The following FBN2 variants were observed in gnomAD, a reference collection of about 807,000 sequenced individuals.
FBN2 encodes the protein fibrillin-2.
FBN2 carries 105 observed loss-of-function variants against 355.6 expected under a neutral mutation model. The ratio of observed to expected loss-of-function variants is 0.30; its 90% CI spans 0.25 to 0.35. The LOEUF (loss-of-function observed/expected upper bound fraction) is 0.35, where lower values mean the gene tolerates loss of function less well. Ranked by LOEUF, FBN2 falls within the 10% of genes least tolerant of loss-of-function variation. The pLI is 1.00. For synonymous variants in FBN2, 1,350 were observed against 1,301.2 expected (o/e 1.04, Z -0.81); for missense variants, 3,280 against 3,758.7 (o/e 0.87, Z 3.33).
At chr5:128,398,138 G>A (rs1339776003) in intron 8 of FBN2, among the ~76,000 whole-genome samples, 1 of 152,042 alleles carries the variant, frequency 6.6e-6, no homozygotes, top group Non-Finnish European at 1.5e-5. Flanking sequence ...ATAACGTAAA[G>A]AGGTTCTCAG....
intron 34 of FBN2, among the ~76,000 whole-genome samples, chr5:128,323,448 T>C (rs1424804784): frequency 6.6e-6 from 1 of 152,188 alleles, no homozygotes; most frequent in Non-Finnish European, 1.5e-5. Flanking sequence ...ATCAAGTTTA[T>C]TGAGAGTTTT....
At chr5:128,519,972 A>C (rs1447716324) in intron 4 of FBN2, among the ~76,000 whole-genome samples, 1 of 152,224 alleles carries the variant, frequency 6.6e-6, no homozygotes, top group Non-Finnish European at 1.5e-5. Context: ...TGCCAAAAGA[A>C]GTAACCAATG....
In FBN2 at chr5:128,374,676, C is replaced by T. The variant is rs1381575622; in HGVS notation, c.2047G>A (p.Asp683Asn). 1.2e-6 allele frequency: 2 copies of T among 1,613,868 alleles called. No individual in the cohort carries two copies. The highest frequency in any genetic ancestry group is 1.7e-6 in the Non-Finnish European group (2 of 1,179,944). ...CCCACAGCCAGGCCTGGGGGACAGT[C>T]ACAGCGGAAGGACCCTTCACTGTTG... ...CINSEGSFRC[D>N]CPPGLAVGMD... is the part of the protein sequence containing the mutation. The change falls in exon 15 of 65, where the codon GAC (aspartate) becomes AAC (asparagine). Residue 683 changes from aspartate to asparagine, a missense_variant. Asp to Asn is a conservative substitution (Grantham distance 23). Around this residue, in one of 6 missense-constraint regions of FBN2, gnomAD observed 2,284 missense variants for 2,749.5 expected, o/e 0.83. Transcript: ENST00000262464.
intron 43 of FBN2, 51 bp downstream of exon 43, chr5:128,305,772 T>C (rs367672797): frequency 5.0e-6 from 8 of 1,606,786 alleles, no homozygotes; most frequent in African/African-American, 1.3e-5. Context: ...CTAAATGCTA[T>C]ATATGTATAC....
intron 5 of FBN2, among the ~76,000 whole-genome samples, chr5:128,470,984 T>G (rs994301212): frequency 6.6e-6 from 1 of 152,210 alleles, no homozygotes; most frequent in African/African-American, 2.4e-5. Context: ...ATCACTTTGG[T>G]ACAGAAAAGA....
intron 8 of FBN2, among the ~76,000 whole-genome samples, chr5:128,405,645 T>A (rs576100907): frequency 6.6e-6 from 1 of 152,204 alleles, no homozygotes; most frequent in Non-Finnish European, 1.5e-5. Flanking sequence ...TGTAAGTGAG[T>A]AAATAAAAAG....
At position 128,345,470 on chromosome 5, in the gene FBN2, G is replaced by A. The variant is rs145565243; in HGVS notation, c.3104C>T (p.Thr1035Ile). The change falls in exon 24 of 65, where the codon ACC becomes ATC. Residue 1035 changes from threonine to isoleucine, a missense_variant. By Grantham distance (89) the Thr-to-Ile change is moderately conservative (BLOSUM62 -1). This residue lies in a region of FBN2 where 2,284 missense variants were observed against 2,749.5 expected (regional missense o/e 0.83). Coordinates refer to ENST00000262464, the MANE Select transcript of FBN2 (RefSeq NM_001999.4). ...CCCAVGAAWG[T>I]ECEECPKPGT... Reference sequence around the variant, plus strand: ...AGGTTTGGGGCACTCCTCACACTCGGTGCCCCAAGCCGCCCCGACAGCACA... The same window carrying A: ...AGGTTTGGGGCACTCCTCACACTCGATGCCCCAAGCCGCCCCGACAGCACA... 3 of 1,613,986 alleles carry A rather than the reference G, an allele frequency of 1.9e-6. No homozygotes were observed. The African/African-American group carries it at 4.0e-5, about 22-fold the overall frequency.
At chr5:128,281,621 C>T (rs1350304429) in intron 55 of FBN2, among the ~76,000 whole-genome samples, 2 of 152,138 alleles carry the variant, frequency 1.3e-5, no homozygotes, top group African/African-American at 4.8e-5. Context: ...ACCATTGGTC[C>T]ACTTATATTA....
chr5:128,407,165 G>C (rs760468467), intron 8 of FBN2, among the ~76,000 whole-genome samples: 6 of 152,192 alleles, frequency 3.9e-5, no homozygotes, highest in Non-Finnish European at 7.3e-5. Flanking sequence ...TGGTAGTTCA[G>C]TGTCACAGTA....
intron 36 of FBN2, among the ~76,000 whole-genome samples, chr5:128,313,852 CAAAA>C (rs70997367): frequency 2.1e-5 from 1 of 48,244 alleles, no homozygotes. Context: ...GACTCTGTCT[CAAAA>C]AAAAAAAAAA....
chr5:128,402,522 G>A (rs1464212476), intron 8 of FBN2, among the ~76,000 whole-genome samples: 3 of 152,004 alleles, frequency 2.0e-5, no homozygotes, highest in Non-Finnish European at 4.4e-5. Flanking sequence ...TTCATAGCTT[G>A]ACATTTTGTG....
intron 6 of FBN2, among the ~76,000 whole-genome samples, chr5:128,459,217 C>T (rs570916948): frequency 4.6e-5 from 7 of 152,200 alleles, no homozygotes; most frequent in East Asian, 3.9e-4. Flanking sequence ...TGGATAAATT[C>T]CTGGACACAT....
chr5:128,408,371 G>A (rs924920113), intron 8 of FBN2, among the ~76,000 whole-genome samples: 18 of 152,128 alleles, frequency 1.2e-4, no homozygotes, highest in African/African-American at 2.7e-4. Flanking sequence ...CACAAAAGAA[G>A]CTTTAATTAC....
At chr5:128,469,277 T>C (rs945428016) in intron 5 of FBN2, among the ~76,000 whole-genome samples, 1 of 152,144 alleles carries the variant, frequency 6.6e-6, no homozygotes, top group African/African-American at 2.4e-5. Flanking sequence ...GGGTAGTGTG[T>C]GGCTCATGTA....
Position 128,394,816 on chromosome 5 carries a change from C to T in FBN2, c.1231+306G>A, listed in dbSNP as rs1047786106. ...TACATATATTTTTGAGACAGGGTCT[C>T]GCTCTGTCACTCAGGCTGGAGTGCA... On this transcript the variant is annotated intron_variant, in intron 9 of 64. Transcript: ENST00000262464. Among the ~76,000 whole-genome samples the T allele has an allele frequency of 4.6e-5, 7 of 152,088 alleles. No individual in the cohort carries two copies. In the East Asian group the frequency reaches 1.2e-3, roughly 25 times the overall value.
intron 5 of FBN2, among the ~76,000 whole-genome samples, chr5:128,507,490 T>A (rs575216792): frequency 2.6e-5 from 4 of 152,192 alleles, no homozygotes; most frequent in African/African-American, 7.2e-5. Flanking sequence ...CTAAACTTTT[T>A]AAGTTCATAT....
In FBN2 at chr5:128,408,807, A is replaced by C. The variant is rs201818403; in HGVS notation, c.953-8T>G. On this transcript the variant is annotated splice_polypyrimidine_tract_variant and splice_region_variant and intron_variant, in intron 7 of 64. Transcript: ENST00000262464. ...TGCTGCACTCATCAATGTCTAATCA[A>C]GGGAAGAAGGAGAAGATGATTGAGA... 2,846 of 1,613,750 alleles carry C rather than the reference A, an allele frequency of 1.8e-3. 3 individuals are homozygous for C. Among genetic ancestry groups the C allele is most frequent in the Non-Finnish European group, 1.9e-3 (2,253 of 1,179,790 alleles).
intron 27 of FBN2, among the ~76,000 whole-genome samples, chr5:128,336,341 G>A (rs116158495): frequency 1.9e-3 from 292 of 152,186 alleles, no homozygotes; most frequent in African/African-American, 3.6e-3. Context: ...AAATCTATGC[G>A]GTCTAATACA....
At chr5:128,453,572 T>C (rs1754311946) in intron 6 of FBN2, among the ~76,000 whole-genome samples, 1 of 152,218 alleles carries the variant, frequency 6.6e-6, no homozygotes, top group South Asian at 2.1e-4. Context: ...AAACTTTGCA[T>C]TTATTTGGGT....
Sources: allele counts gnomAD v4.1 joint callset (sites outside exome capture counted in the v4.1 genomes callset), GRCh38; gene constraint gnomAD v4.1.1; regional missense constraint gnomAD v4.1.1; transcripts MANE v1.5; gene names NCBI Gene and HGNC (gene_info 2026-07-23, HGNC 2026-07-21).